The following DNAAF9 variants were observed in gnomAD, a reference collection of about 807,000 sequenced individuals.
The protein encoded by DNAAF9 is shulin.
DNAAF9 carries 90 observed loss-of-function variants against 167.0 expected under a neutral mutation model. That is an observed-to-expected ratio of 0.54 (90% confidence interval 0.45 to 0.64). The LOEUF (loss-of-function observed/expected upper bound fraction) is 0.64, where lower values mean the gene tolerates loss of function less well. Ranked by LOEUF, DNAAF9 falls within the 30% of genes least tolerant of loss-of-function variation. The pLI, the probability that DNAAF9 is intolerant of heterozygous loss-of-function variation, is 0.00. For missense variants in DNAAF9, 1,315 were observed against 1,442.2 expected (o/e 0.91, Z 1.43); for synonymous variants, 491 against 508.8 (o/e 0.96, Z 0.47).
intron 31 of DNAAF9, among the ~76,000 whole-genome samples, chr20:3,263,210 G>A (rs2068425974): frequency 6.6e-6 from 1 of 152,020 alleles, no homozygotes; most frequent in Admixed American, 6.6e-5. Flanking sequence ...TTCTGACCTT[G>A]TGATCTGCCC....
At position 3,294,633 on chromosome 20, in the gene DNAAF9, GA is replaced by G. The variant is rs763340260; in HGVS notation, c.2019-5del. Reference sequence around the variant, plus strand: ...GAGCTTCTGTGCACTGGAGTGCCTGGAATAACAAAAGCTCACAGATTAGAAG... The same window carrying G: ...GAGCTTCTGTGCACTGGAGTGCCTGGATAACAAAAGCTCACAGATTAGAAG... On this transcript the variant is annotated splice_polypyrimidine_tract_variant and splice_region_variant and intron_variant, in intron 23 of 36. Coordinates refer to ENST00000252032, the MANE Select transcript of DNAAF9 (RefSeq NM_001009984.3). 3 of 1,591,162 alleles carry G rather than the reference GA, an allele frequency of 1.9e-6. No individual in the cohort carries two copies. Among genetic ancestry groups the G allele is most frequent in the Non-Finnish European group, 2.6e-6 (3 of 1,159,426 alleles).
chr20:3,401,836 C>T (rs1386412346), intron 1 of DNAAF9, among the ~76,000 whole-genome samples: 1 of 140,410 alleles, frequency 7.1e-6, no homozygotes, highest in African/African-American at 2.7e-5. Context: ...CAAGCTACCT[C>T]GGTATGGGGA....
At chr20:3,322,514 C>A in intron 15 of DNAAF9, 138 bp downstream of exon 15, 1 of 801,028 alleles carries the variant, frequency 1.2e-6, no homozygotes, top group Non-Finnish European at 2.2e-6. Flanking sequence ...CTGAGCACAG[C>A]CAGCCCAAGC....
At chr20:3,284,049 C>T (rs2068807533) in intron 27 of DNAAF9, among the ~76,000 whole-genome samples, 1 of 152,134 alleles carries the variant, frequency 6.6e-6, no homozygotes, top group Non-Finnish European at 1.5e-5. Context: ...TCACTCTATC[C>T]ATTAGGGGAA....
Position 3,253,726 on chromosome 20 carries a change from G to C in DNAAF9, c.3421C>G (p.Leu1141Val). Residue 1141 changes from leucine to valine, a missense_variant and splice_region_variant, in exon 36 of 37, where the codon CTC becomes GTC. By Grantham distance (32) the Leu-to-Val change is conservative (BLOSUM62 1). Around this residue, in one of 2 missense-constraint regions of DNAAF9, gnomAD observed 334 missense variants for 429.7 expected, o/e 0.78. Coordinates refer to ENST00000252032, the MANE Select transcript of DNAAF9 (RefSeq NM_001009984.3). Reference protein sequence around the residue: ...FFGDKTDFHPLMDQFMNDYVE... With the variant: ...FFGDKTDFHPVMDQFMNDYVE... ...AGGGACCACGCTGTTCCAAGGATAC[G>C]TGGGTGAAAATCAGTTTTGTCACCA... is the stretch of plus-strand genomic sequence containing the variant. 6.3e-7 allele frequency: 1 copy of C among 1,586,928 alleles called. No homozygotes were observed. Among genetic ancestry groups the C allele is most frequent in the Non-Finnish European group, 8.7e-7 (1 of 1,155,368 alleles).
rs1424567124 is a variant in DNAAF9 at position 3,330,692 on chromosome 20, A to G, written c.1064-10T>C. The G allele has an allele frequency of 2.5e-6, 4 of 1,569,682 alleles. No homozygotes were observed. In the South Asian group the frequency reaches 3.4e-5, roughly 13 times the overall value. On this transcript the variant is annotated splice_polypyrimidine_tract_variant and intron_variant, in intron 11 of 36. Transcript: ENST00000252032. ...AGCTTGCTGTCACCACCTGTGAAAGAGGCCCACTAAGAATGTGACAAGAGC... is the reference window on the plus strand; with the variant it reads ...AGCTTGCTGTCACCACCTGTGAAAGGGGCCCACTAAGAATGTGACAAGAGC...
At chr20:3,253,649 C>T (rs533212161) in intron 36 of DNAAF9, 77 bp downstream of exon 36, 59 of 873,714 alleles carry the variant, frequency 6.8e-5, no homozygotes, top group Middle Eastern at 2.4e-4. Flanking sequence ...GGCAGACAAC[C>T]GCTTTGCAGA....
At chr20:3,314,048 A>C (rs948155093) in intron 20 of DNAAF9, among the ~76,000 whole-genome samples, 1 of 152,196 alleles carries the variant, frequency 6.6e-6, no homozygotes, top group African/African-American at 2.4e-5. Context: ...AGTCTATGCC[A>C]GTCCCACCTT....
intron 29 of DNAAF9, among the ~76,000 whole-genome samples, chr20:3,271,531 A>G (rs1274865164): frequency 1.3e-5 from 2 of 152,108 alleles, no homozygotes; most frequent in Non-Finnish European, 2.9e-5. Flanking sequence ...TACCCCTTCC[A>G]TATTCATTCC....
intron 9 of DNAAF9, 40 bp downstream of exon 9, chr20:3,343,636 C>G: frequency 6.5e-7 from 1 of 1,547,462 alleles, no homozygotes; most frequent in Non-Finnish European, 8.9e-7. Flanking sequence ...TCCATTTTCT[C>G]TATCACCATT....
chr20:3,306,914 G>A (rs2069308000), intron 20 of DNAAF9: 5 of 985,290 alleles, frequency 5.1e-6, no homozygotes, highest in South Asian at 4.7e-5. Context: ...CTCCATAGGT[G>A]TCACGAGGTA....
At position 3,375,890 on chromosome 20, in the gene DNAAF9, C is replaced by A. The variant is rs78759118; in HGVS notation, c.408+288G>T. ...CCAGGGCAGTCCCTAGGCACTAATCCCCTAAGAGATGGGATTCAGGATGGT... is the reference window on the plus strand; with the variant it reads ...CCAGGGCAGTCCCTAGGCACTAATCACCTAAGAGATGGGATTCAGGATGGT... On this transcript the variant is annotated intron_variant, in intron 4 of 36. Coordinates refer to ENST00000252032, the MANE Select transcript of DNAAF9 (RefSeq NM_001009984.3). 0.062 allele frequency among the ~76,000 whole-genome samples: 9,433 copies of A among 151,508 alleles called. 378 individuals carry two copies. Among genetic ancestry groups the A allele is most frequent in the Non-Finnish European group, 0.082 (5,556 of 67,912 alleles).
intron 1 of DNAAF9, among the ~76,000 whole-genome samples, chr20:3,392,577 G>A (rs766606087): frequency 1.2e-4 from 19 of 152,272 alleles, no homozygotes; most frequent in Non-Finnish European, 2.1e-4. Context: ...AAAGCCAGTC[G>A]TGGGTACAAT....
In DNAAF9 at chr20:3,287,798, G is replaced by A. The variant is rs1212947712; in HGVS notation, c.2328-8C>T. 2 of 1,614,044 alleles carry A rather than the reference G, an allele frequency of 1.2e-6. No homozygotes were observed. The highest frequency in any genetic ancestry group is 2.2e-5 in the East Asian group (1 of 44,886). Reference sequence around the variant, plus strand: ...TGGCGATACACCATCCATCTGGAAAGGTAAAAGGTAACCTCTGCATGGGGG... The same window carrying A: ...TGGCGATACACCATCCATCTGGAAAAGTAAAAGGTAACCTCTGCATGGGGG... On this transcript the variant is annotated splice_region_variant and splice_polypyrimidine_tract_variant and intron_variant, in intron 26 of 36. Transcript: ENST00000252032.
chr20:3,382,272 C>T (rs888550952), intron 2 of DNAAF9, among the ~76,000 whole-genome samples, 155 bp downstream of exon 2: 2 of 152,116 alleles, frequency 1.3e-5, no homozygotes, highest in East Asian at 3.9e-4. Flanking sequence ...GCTCATCTAA[C>T]CTCATTAAAA....
chr20:3,393,157 T>C (rs748594800), intron 1 of DNAAF9, among the ~76,000 whole-genome samples: 2 of 152,122 alleles, frequency 1.3e-5, no homozygotes, highest in South Asian at 2.1e-4. Context: ...ACTAATGATG[T>C]TGAATACCTT....
intron 17 of DNAAF9, among the ~76,000 whole-genome samples, chr20:3,317,309 C>T (rs376059863): frequency 8.2e-5 from 12 of 146,102 alleles, no homozygotes; most frequent in Admixed American, 3.5e-4. Flanking sequence ...TGCAGTGAAC[C>T]GAGATTATGC....
At chr20:3,404,452 T>C (rs1600941071) in intron 1 of DNAAF9, among the ~76,000 whole-genome samples, 1 of 152,340 alleles carries the variant, frequency 6.6e-6, no homozygotes, top group East Asian at 1.9e-4. Context: ...TGGAAGACAC[T>C]GCTACACTGC....
intron 6 of DNAAF9, among the ~76,000 whole-genome samples, chr20:3,363,746 T>C (rs187409109): frequency 6.6e-6 from 1 of 152,270 alleles, no homozygotes; most frequent in East Asian, 1.9e-4. Flanking sequence ...TCTGTCCTCA[T>C]GACTATGACT....
Sources: allele counts gnomAD v4.1 joint callset (sites outside exome capture counted in the v4.1 genomes callset), GRCh38; gene constraint gnomAD v4.1.1; regional missense constraint gnomAD v4.1.1; transcripts MANE v1.5; gene names NCBI Gene and HGNC (gene_info 2026-07-23, HGNC 2026-07-21).